The following DNAJC13 variants were observed in gnomAD, a reference collection of about 807,000 sequenced individuals.
The protein encoded by DNAJC13 is DnaJ heat shock protein family (Hsp40) member C13.
In DNAJC13, 75 loss-of-function variants were observed where a neutral mutation model predicts 290.5. That is an observed-to-expected ratio of 0.26 (90% CI 0.21 to 0.31). DNAJC13 has a LOEUF of 0.31. Among genes scored for constraint, DNAJC13 ranks in the 10% least tolerant of loss-of-function variants. DNAJC13 has a pLI of 1.00. For synonymous variants in DNAJC13, 862 were observed against 892.0 expected, an observed-to-expected ratio of 0.97 and a Z score of 0.60; for missense variants, 2,260 against 2,674.5, an observed-to-expected ratio of 0.85 and a Z score of 3.42.
intron 25 of DNAJC13, among the ~76,000 whole-genome samples, chr3:132,479,795 A>C (rs1322473226): frequency 2.0e-5 from 3 of 152,148 alleles, no homozygotes; most frequent in Admixed American, 6.5e-5. Flanking sequence ...ATATAACATT[A>C]ATTCACAATT....
chr3:132,525,132 G>C (rs1303080123), intron 51 of DNAJC13, among the ~76,000 whole-genome samples: 1 of 152,146 alleles, frequency 6.6e-6, no homozygotes, highest in Admixed American at 6.5e-5. Flanking sequence ...CCTGAGGTCA[G>C]GAGTTCGAGA....
intron 9 of DNAJC13, among the ~76,000 whole-genome samples, chr3:132,455,549 C>G (rs371053169): frequency 1.3e-5 from 2 of 151,998 alleles, no homozygotes; most frequent in African/African-American, 4.8e-5. Context: ...TTCGTAATAT[C>G]ATTACTCATA....
chr3:132,435,518 C>A (rs988042124), intron 2 of DNAJC13, among the ~76,000 whole-genome samples: 2 of 152,164 alleles, frequency 1.3e-5, no homozygotes, highest in Non-Finnish European at 2.9e-5. Context: ...TTTGCATTAG[C>A]AAACTGCCTA....
intron 25 of DNAJC13, 63 bp from the exon 26 acceptor site, chr3:132,480,306 T>C (rs1934624469): frequency 2.7e-6 from 3 of 1,116,294 alleles, no homozygotes; most frequent in East Asian, 2.4e-5. Flanking sequence ...AAAGGTACTA[T>C]TGGGATAGGT....
chr3:132,457,420 T>C lies in DNAJC13; in HGVS notation c.1449+52T>C, dbSNP rs1256537012. On this transcript the variant is annotated intron_variant, in intron 13 of 55. Coordinates refer to ENST00000260818, the MANE Select transcript of DNAJC13 (RefSeq NM_015268.4). The stretch of plus-strand genomic sequence containing the variant: ...TGGTTTTTCTTAAGTTGACTGGTGG[T>C]TTTGATTTCCACAGTCCCAGATTTT... 2.1e-6 allele frequency: 3 copies of C among 1,421,912 alleles called. No homozygotes were observed. In the South Asian group the frequency reaches 3.6e-5, roughly 17 times the overall value. The allele number at this position is 1,421,912 out of a possible 1,614,324, so 88.1% of individuals were successfully genotyped here.
chr3:132,483,898 G>T (rs570300717), intron 28 of DNAJC13, among the ~76,000 whole-genome samples: 2 of 152,214 alleles, frequency 1.3e-5, no homozygotes, highest in Non-Finnish European at 2.9e-5. Flanking sequence ...GTGAATGCCA[G>T]CTGTTGATCT....
intron 2 of DNAJC13, among the ~76,000 whole-genome samples, chr3:132,444,219 C>T (rs754595887): frequency 2.8e-4 from 43 of 152,152 alleles, no homozygotes; most frequent in Non-Finnish European, 5.1e-4. Context: ...TATCCTGAAA[C>T]CATCCCCCTG....
intron 26 of DNAJC13, among the ~76,000 whole-genome samples, chr3:132,481,580 C>CA (rs1185376870): frequency 6.6e-6 from 1 of 151,966 alleles, no homozygotes; most frequent in East Asian, 1.9e-4. Context: ...GACCCTGTCT[C>CA]AAAAAAGAAA....
chr3:132,480,271 C>T, intron 25 of DNAJC13, 98 bp from the exon 26 acceptor site: 1 of 655,170 alleles, frequency 1.5e-6, no homozygotes, highest in Non-Finnish European at 2.6e-6. Flanking sequence ...CTTCGAGGAC[C>T]TTGTAGGTGG....
rs749068099 is a variant in DNAJC13, at chr3:132,454,068, A to G, written c.843A>G (p.Val281=). ...NIATLKPLGE[V]FALVCDSENP... Reference sequence around the variant, plus strand: ...GCTATTTTTTGTTTTTTCATTAGGTATTTGCGTTGGTCTGTGACTCAGAAA... The same window carrying G: ...GCTATTTTTTGTTTTTTCATTAGGTGTTTGCGTTGGTCTGTGACTCAGAAA... Residue 281 remains valine (V), a splice_region_variant and synonymous_variant, in exon 9 of 56, where the codon GTA becomes GTG. Coordinates refer to ENST00000260818, the MANE Select transcript of DNAJC13 (RefSeq NM_015268.4). 8.8e-6 allele frequency: 14 copies of G among 1,597,990 alleles called. No individual in the cohort carries two copies. The Admixed American group carries it at 1.6e-4, about 18-fold the overall frequency.
At chr3:132,444,289 G>T (rs989334295) in intron 2 of DNAJC13, among the ~76,000 whole-genome samples, 2 of 152,200 alleles carry the variant, frequency 1.3e-5, no homozygotes, top group Non-Finnish European at 2.9e-5. Context: ...AAAGGTTGGG[G>T]ACTAGTTCCT....
At chr3:132,469,905 G>A (rs1355150587) in intron 20 of DNAJC13, among the ~76,000 whole-genome samples, 1 of 143,652 alleles carries the variant, frequency 7.0e-6, no homozygotes, top group Non-Finnish European at 1.5e-5. Flanking sequence ...CTATCACAAT[G>A]AGGATTAGAG....
chr3:132,499,845 T>C (rs749238684), intron 38 of DNAJC13, 37 bp downstream of exon 38: 20 of 1,567,856 alleles, frequency 1.3e-5, no homozygotes, highest in Middle Eastern at 1.7e-4. Context: ...AAAATTGCAC[T>C]AGTTCAATGG....
At chr3:132,518,822 C>T (rs910980008) in intron 48 of DNAJC13, among the ~76,000 whole-genome samples, 3 of 152,134 alleles carry the variant, frequency 2.0e-5, no homozygotes, top group African/African-American at 7.2e-5. Context: ...CAAAAAGAAA[C>T]CCTATTTCTA....
rs780668125 is a variant in DNAJC13, at chr3:132,480,460, T to C, written c.2864T>C (p.Val955Ala). ...CATCTCCATGTAAGCCGAGCTACAG[T>C]ACCACTGCAAGTACGTATCCTTGTT... ...LAHLHVSRAT[V>A]PLQSNVIEAA... The change falls in exon 26 of 56, where the codon GTA becomes GCA. Residue 955 changes from valine (V) to alanine (A), a missense_variant. By Grantham distance (64) the Val-to-Ala change is moderately conservative. Around this residue, in one of 3 missense-constraint regions of DNAJC13, gnomAD observed 1,494 missense variants for 1,693.7 expected, o/e 0.88. Transcript: ENST00000260818. 1.9e-6 allele frequency: 3 copies of C among 1,609,504 alleles called. No individual in the cohort carries two copies. Among genetic ancestry groups the C allele is most frequent in the Non-Finnish European group, 2.5e-6 (3 of 1,176,602 alleles).
intron 20 of DNAJC13, among the ~76,000 whole-genome samples, chr3:132,471,839 G>A (rs1257523421): frequency 1.4e-5 from 2 of 147,910 alleles, no homozygotes; most frequent in South Asian, 2.2e-4. Context: ...CTTCCCAGAC[G>A]GGGTGGCGGC....
chr3:132,482,378 G>C (rs1003597153), intron 27 of DNAJC13, 48 bp downstream of exon 27: 1 of 1,462,854 alleles, frequency 6.8e-7, no homozygotes, highest in Non-Finnish European at 9.5e-7. Flanking sequence ...CATTTCTTAT[G>C]CCCTCCTGCT....
rs892034247 is a variant in DNAJC13, at chr3:132,539,011, A to G, written c.*729A>G. The G allele has an allele frequency of 3.3e-5, 5 of 152,660 alleles. No homozygotes were observed. The allele number at this position is 152,660 out of a possible 1,614,324, so 9.5% of individuals were successfully genotyped here. A position where few individuals can be genotyped will look rare whatever the true frequency, so the allele number is the denominator to read the frequency against. On this transcript the variant is annotated 3_prime_UTR_variant, in exon 56 of 56. Transcript: ENST00000260818. ...ACATAAAATTTTAAAAATAAAGGGA[A>G]TTGACTGCTTTGTTAATGAGATATA...
intron 45 of DNAJC13, among the ~76,000 whole-genome samples, chr3:132,513,425 A>T (rs1353353510): frequency 2.0e-5 from 3 of 152,150 alleles, no homozygotes; most frequent in Non-Finnish European, 4.4e-5. Context: ...AAGATGATAG[A>T]GGGTTTCTGA....
Sources: allele counts gnomAD v4.1 joint callset (sites outside exome capture counted in the v4.1 genomes callset), GRCh38; gene constraint gnomAD v4.1.1; regional missense constraint gnomAD v4.1.1; transcripts MANE v1.5; gene names NCBI Gene and HGNC (gene_info 2026-07-23, HGNC 2026-07-21).